LONRF3: variants seen among roughly 807,000 people sequenced by gnomAD.
The protein encoded by LONRF3 is LON peptidase N-terminal domain and RING finger protein 3.
Under a neutral mutation model 51.7 loss-of-function variants are expected in LONRF3, and 19 were observed. That is an observed-to-expected ratio of 0.37 (90% CI 0.26 to 0.54). The LOEUF is 0.54. LONRF3 is among the 20% of genes least tolerant of loss of function. LONRF3 has a pLI of 0.86. For synonymous variants in LONRF3, 265 were observed against 257.8 expected (o/e 1.03, Z -0.27); for missense variants, 521 against 623.9 (o/e 0.84, Z 1.76).
rs767610350 is a variant in LONRF3, at chrX:119,014,265, C to T, written c.2033C>T (p.Ala678Val). 1.7e-6 allele frequency: 2 copies of T among 1,208,650 alleles called. No individual in the cohort carries two copies. The highest frequency in any genetic ancestry group is 1.1e-6 in the Non-Finnish European group (1 of 892,727). The change falls in exon 10 of 11, where the codon GCA becomes GTA. Residue 678 changes from alanine (A) to valine (V), a missense_variant. Physicochemically the swap from Ala to Val is moderately conservative, Grantham distance 64. This residue lies in a region of LONRF3 where 145 missense variants were observed against 247.2 expected (regional missense o/e 0.59). Coordinates refer to ENST00000371628, the MANE Select transcript of LONRF3 (RefSeq NM_001031855.3). ...MGLHNCVYQQ[A>V]SLWFHSLKLS... ...TTACATAACTGTGTCTATCAGCAAG[C>T]ATCATTGTGGTTTCATTCGCTCAAA... is the stretch of plus-strand genomic sequence containing the variant.
chrX:119,012,027 T>G, intron 8 of LONRF3, 54 bp downstream of exon 8: 1 of 1,172,893 alleles, frequency 8.5e-7, no homozygotes, highest in Non-Finnish European at 1.2e-6. Context: ...GGATTTCTGT[T>G]TTACTTTGGG....
Position 119,003,235 on chromosome X carries a change from G to A in LONRF3, c.1416-2886G>A, listed in dbSNP as rs755153365. On this transcript the variant is annotated intron_variant, in intron 5 of 10. Transcript: ENST00000371628. ...ACTAATTAATTTATTTGAGACATGG[G>A]GTGTCAAACTCCTGGTCTCAAGCAA... Among the ~76,000 whole-genome samples the A allele has an allele frequency of 4.5e-5, 5 of 110,372 alleles. 1 individual carries two copies. The highest frequency in any genetic ancestry group is 1.9e-4 in the Admixed American group (2 of 10,386).
At position 118,975,451 on chromosome X, in the gene LONRF3, G is replaced by A; in HGVS notation, c.671G>A (p.Arg224Gln). ...GGGCAGCAGCCGCCGCCGCCGCTGC[G>A]AGTCAACGTGGTGCTCAGCGGCCTC... The part of the protein sequence containing the change: ...RAGQQPPPPL[R>Q]VNVVLSGLLG... The change falls in exon 1 of 11, where the codon CGA (arginine) becomes CAA (glutamine). Residue 224 changes from arginine (R) to glutamine (Q), a missense_variant. Physicochemically the swap from Arg to Gln is conservative, Grantham distance 43 (BLOSUM62 1). Around this residue, in one of 2 missense-constraint regions of LONRF3, gnomAD observed 376 missense variants for 376.7 expected, o/e 1.00. Coordinates refer to ENST00000371628, the MANE Select transcript of LONRF3 (RefSeq NM_001031855.3). 8.4e-7 allele frequency: 1 copy of A among 1,191,111 alleles called. No homozygotes were observed. The highest frequency in any genetic ancestry group is 1.1e-6 in the Non-Finnish European group (1 of 885,808).
At position 119,006,212 on chromosome X, in the gene LONRF3, T is replaced by C; in HGVS notation, c.1507T>C (p.Leu503=). The change falls in exon 6 of 11, where the codon TTG becomes CTG. Residue 503 remains leucine, a synonymous_variant. Transcript: ENST00000371628. The stretch of plus-strand genomic sequence containing the variant: ...CCTAGATCACAACGCAAAGTGTCCA[T>C]TGTGCAAAGACGGTCTTTCACAGGT... ...RCLDHNAKCP[L]CKDGLSQCLA... 8.5e-7 allele frequency: 1 copy of C among 1,183,286 alleles called. No homozygotes were observed. Among genetic ancestry groups the C allele is most frequent in the Non-Finnish European group, 1.1e-6 (1 of 873,436 alleles).
intron 4 of LONRF3, among the ~76,000 whole-genome samples, chrX:118,990,221 A>G (rs953207131): frequency 2.7e-5 from 3 of 111,840 alleles, no homozygotes; most frequent in Non-Finnish European, 3.8e-5. Flanking sequence ...TTGCATTTGA[A>G]TGAAGTCCCC....
intron 5 of LONRF3, among the ~76,000 whole-genome samples, chrX:119,000,952 C>A (rs1924275937): frequency 9.1e-6 from 1 of 109,780 alleles, no homozygotes; most frequent in South Asian, 4.0e-4. Context: ...CAAAAGAAAA[C>A]AATACAAGGA....
At chrX:118,991,070 C>T (rs1232188436) in intron 5 of LONRF3, among the ~76,000 whole-genome samples, 3 of 111,309 alleles carry the variant, frequency 2.7e-5, no homozygotes, top group African/African-American at 9.8e-5. Flanking sequence ...GTTACCCAGG[C>T]TGGTCTCAAA....
rs1055653855 is a variant in LONRF3 at position 119,011,934 on chromosome X, C to T, written c.1772C>T (p.Thr591Met). 2.5e-6 allele frequency: 3 copies of T among 1,211,563 alleles called. No individual in the cohort carries two copies. The highest frequency in any genetic ancestry group is 3.4e-6 in the Non-Finnish European group (3 of 895,402). ...LMIRRCIETG[T>M]RQFGMCLGDP... ...ATTCGTAGATGCATTGAGACAGGCA[C>T]GAGACAGTTTGGCATGTGCCTTGGA... Residue 591 changes from threonine (T) to methionine (M), a missense_variant, in exon 8 of 11, where the codon ACG (threonine) becomes ATG (methionine). Physicochemically the swap from Thr to Met is moderately conservative, Grantham distance 81 (BLOSUM62 -1). This residue lies in a region of LONRF3 where 145 missense variants were observed against 247.2 expected (regional missense o/e 0.59). Transcript: ENST00000371628.
intron 7 of LONRF3, among the ~76,000 whole-genome samples, chrX:119,010,973 G>C (rs771684591): frequency 1.8e-5 from 2 of 110,019 alleles, no homozygotes; most frequent in Non-Finnish European, 3.8e-5. Flanking sequence ...AATTAGCCAG[G>C]CATGGTGGCA....
intron 5 of LONRF3, among the ~76,000 whole-genome samples, chrX:119,003,321 C>G (rs1004833631): frequency 1.8e-5 from 2 of 111,743 alleles, no homozygotes; most frequent in African/African-American, 6.5e-5. Context: ...GCCACTGTGC[C>G]TGGCTATTTC....
At chrX:119,009,832 C>T (rs988076697) in intron 7 of LONRF3, among the ~76,000 whole-genome samples, 13 of 111,119 alleles carry the variant, frequency 1.2e-4, no homozygotes, top group South Asian at 3.8e-4. Context: ...TGCAGTGGTA[C>T]GATCTTGGCT....
intron 5 of LONRF3, among the ~76,000 whole-genome samples, chrX:118,992,271 G>T (rs1483775711): frequency 9.0e-6 from 1 of 111,361 alleles, no homozygotes; most frequent in Non-Finnish European, 1.9e-5. Context: ...AATAGCCTCG[G>T]TCGAGTTCTC....
intron 10 of LONRF3, among the ~76,000 whole-genome samples, 191 bp downstream of exon 10, chrX:119,014,547 G>T (rs1025010661): frequency 9.0e-6 from 1 of 111,286 alleles, no homozygotes; most frequent in African/African-American, 3.3e-5. Flanking sequence ...TTAGAATCGG[G>T]GTAACTAAAG....
chrX:119,012,926 T>C (rs1419444488), intron 8 of LONRF3, 113 bp from the exon 9 acceptor site: 3 of 1,201,480 alleles, frequency 2.5e-6, no homozygotes, highest in Non-Finnish European at 3.4e-6. Context: ...GACAGGAAAA[T>C]AGGCAGAAGT....
At chrX:119,001,458 G>A (rs1236438690) in intron 5 of LONRF3, among the ~76,000 whole-genome samples, 6 of 112,180 alleles carry the variant, frequency 5.3e-5, no homozygotes, top group African/African-American at 1.9e-4. Context: ...TTTCTCAATA[G>A]TATAATGAAG....
At chrX:119,017,344 G>A (rs761618312) in intron 10 of LONRF3, among the ~76,000 whole-genome samples, 191 bp from the exon 11 acceptor site, 3 of 112,237 alleles carry the variant, frequency 2.7e-5, no homozygotes, top group Non-Finnish European at 5.6e-5. Context: ...AAGGGAAGCT[G>A]AGAAATGCAG....
At chrX:119,001,678 C>T (rs1924326342) in intron 5 of LONRF3, among the ~76,000 whole-genome samples, 1 of 112,271 alleles carries the variant, frequency 8.9e-6, no homozygotes, top group African/African-American at 3.2e-5. Flanking sequence ...AATTATGCAG[C>T]ATCTGTGGCC....
chrX:118,976,515 G>C, intron 1 of LONRF3: 1 of 113,071 alleles, frequency 8.8e-6, no homozygotes, highest in Non-Finnish European at 1.9e-5. Context: ...GCGGGAGGCC[G>C]GCGCGGCAAC....
At position 118,984,722 on chromosome X, in the gene LONRF3, C is replaced by G. The variant is rs5910470; in HGVS notation, c.1059+1779C>G. Among the ~76,000 whole-genome samples, 2 of 110,886 alleles carry G rather than the reference C, an allele frequency of 1.8e-5. 1 individual carries two copies. The highest frequency in any genetic ancestry group is 1.9e-4 in the Admixed American group (2 of 10,506). ...CAGATGATGCAAGCGAGTGTATGCC[C>G]GTGATGAGTGTTACAGAGTTCTGAA... is the stretch of plus-strand genomic sequence containing the variant. On this transcript the variant is annotated intron_variant, in intron 3 of 10. Coordinates refer to ENST00000371628, the MANE Select transcript of LONRF3 (RefSeq NM_001031855.3).
Sources: gnomAD v4.1 joint callset for allele counts (sites outside exome capture counted in the v4.1 genomes callset) on GRCh38, gnomAD v4.1.1 for gene constraint, gnomAD v4.1.1 regional missense constraint, MANE v1.5 for transcripts, NCBI Gene and HGNC (gene_info 2026-07-23, HGNC 2026-07-21) for gene names.